The following ZNF541 variants were observed in gnomAD, a reference collection of about 807,000 sequenced individuals.
ZNF541 encodes zinc finger protein 541.
A neutral mutation model predicts 123.5 loss-of-function variants in ZNF541; 23 were observed. The observed-to-expected ratio is 0.19, with a 90% CI of 0.13 to 0.26. ZNF541 has a LOEUF of 0.26. Ranked by LOEUF, ZNF541 falls within the 10% of genes least tolerant of loss-of-function variation. The pLI, the probability that ZNF541 is intolerant of heterozygous loss-of-function variation, is 1.00. For synonymous variants in ZNF541, 751 were observed against 754.5 expected (o/e 1.00, Z 0.08); for missense variants, 1,612 against 1,789.9 (o/e 0.90, Z 1.79).
chr19:47,563,332 T>A (rs911033998), intron 2 of ZNF541, among the ~76,000 whole-genome samples: 2 of 152,212 alleles, frequency 1.3e-5, no homozygotes, highest in Admixed American at 1.3e-4. Flanking sequence ...CATCATTGCC[T>A]ATGACCACTC....
chr19:47,541,345 A>G (rs1176940678), intron 5 of ZNF541, among the ~76,000 whole-genome samples: 1 of 152,142 alleles, frequency 6.6e-6, no homozygotes, highest in Admixed American at 6.6e-5. Flanking sequence ...TTGAGCCAGG[A>G]GTTCAAGGTT....
At chr19:47,550,337 A>G (rs1031515891) in intron 3 of ZNF541, among the ~76,000 whole-genome samples, 1 of 149,308 alleles carries the variant, frequency 6.7e-6, no homozygotes, top group African/African-American at 2.4e-5. Flanking sequence ...GAGAGAGAGA[A>G]AGAGAAAGAA....
intron 12 of ZNF541, 110 bp downstream of exon 12, chr19:47,531,532 G>T: frequency 1.3e-6 from 1 of 774,514 alleles, no homozygotes. Context: ...AGGATGGGCG[G>T]CCTTCTTCCA....
At chr19:47,555,991 G>A (rs951841788) in intron 2 of ZNF541, 37 bp from the exon 3 acceptor site, 30 of 935,656 alleles carry the variant, frequency 3.2e-5, no homozygotes, top group Non-Finnish European at 4.6e-5. Context: ...GTTATTAGGT[G>A]GCAAAACAGC....
chr19:47,554,373 A>G (rs913268572), intron 3 of ZNF541, among the ~76,000 whole-genome samples: 38 of 152,018 alleles, frequency 2.5e-4, no homozygotes, highest in African/African-American at 9.2e-4. Context: ...AGAGGTTGCA[A>G]TGAGCCGAGA....
rs571781574 is a variant in ZNF541, at chr19:47,523,176, GCAC to G, written c.3571-1185_3571-1183del. The stretch of plus-strand genomic sequence containing the variant: ...CCCGAGTAGCTGGGACTATAGGCGC[GCAC>G]CACCATGCCCAGCTATTTTTTTGTG... On this transcript the variant is annotated intron_variant, in intron 14 of 16. Transcript: ENST00000391901. 1.3e-4 allele frequency among the ~76,000 whole-genome samples: 19 copies of G among 148,882 alleles called. No individual in the cohort carries two copies. In the East Asian group the frequency reaches 3.7e-3, roughly 29 times the overall value.
intron 2 of ZNF541, among the ~76,000 whole-genome samples, chr19:47,561,429 C>A (rs1971058364): frequency 6.6e-6 from 1 of 151,704 alleles, no homozygotes; most frequent in African/African-American, 2.4e-5. Context: ...CAAAGTGATA[C>A]CCTGTCTCAA....
At chr19:47,554,047 C>G (rs1454789765) in intron 3 of ZNF541, among the ~76,000 whole-genome samples, 1 of 152,122 alleles carries the variant, frequency 6.6e-6, no homozygotes, top group African/African-American at 2.4e-5. Flanking sequence ...AATATGAAAG[C>G]AAATACACCA....
intron 14 of ZNF541, among the ~76,000 whole-genome samples, chr19:47,526,809 A>C (rs942708785): frequency 4.6e-5 from 7 of 152,192 alleles, no homozygotes; most frequent in African/African-American, 1.7e-4. Context: ...ACACCTACTA[A>C]GTCATTCCAT....
intron 5 of ZNF541, among the ~76,000 whole-genome samples, chr19:47,541,249 C>A (rs1201386432): frequency 6.6e-6 from 1 of 152,004 alleles, no homozygotes; most frequent in Admixed American, 6.6e-5. Context: ...AAAACCCCAT[C>A]TCTACAAAAA....
chr19:47,567,187 T>C (rs145602369), intron 2 of ZNF541, among the ~76,000 whole-genome samples: 515 of 152,280 alleles, frequency 3.4e-3, no homozygotes, highest in Non-Finnish European at 5.9e-3. Context: ...TTTAGCCACA[T>C]ACACAGAAAT....
Position 47,540,253 on chromosome 19 carries a change from T to C in ZNF541, c.2545A>G (p.Thr849Ala), listed in dbSNP as rs1296692120. 6.4e-7 allele frequency: 1 copy of C among 1,551,834 alleles called. No individual in the cohort carries two copies. The highest frequency in any genetic ancestry group is 1.2e-5 in the South Asian group (1 of 84,064). The change falls in exon 7 of 17, where the codon ACG becomes GCG. Residue 849 changes from threonine to alanine, a missense_variant. Transcript: ENST00000391901. ...ATGTGGCTGCTCAGCCCTTTCTCCG[T>C]ATAAAACATCTGGCTGCAGTTCTTG... ...VCKNCSQMFY[T>A]EKGLSSHMCF...
intron 2 of ZNF541, among the ~76,000 whole-genome samples, chr19:47,558,430 T>C (rs1163867508): frequency 6.6e-6 from 1 of 150,920 alleles, no homozygotes; most frequent in Non-Finnish European, 1.5e-5. Flanking sequence ...AATAAATAAA[T>C]AAATAAATAG....
chr19:47,572,807 G>A (rs1272134402), intron 1 of ZNF541, among the ~76,000 whole-genome samples: 1 of 151,920 alleles, frequency 6.6e-6, no homozygotes, highest in Non-Finnish European at 1.5e-5. Flanking sequence ...AGCGGGCCAG[G>A]GGATCCTGAG....
intron 4 of ZNF541, 79 bp from the exon 5 acceptor site, chr19:47,546,059 A>T: frequency 7.7e-7 from 1 of 1,299,582 alleles, no homozygotes; most frequent in Non-Finnish European, 1.0e-6. Flanking sequence ...GTGGCCCCCA[A>T]AAGTCTGTGG....
intron 3 of ZNF541, 95 bp downstream of exon 3, chr19:47,555,455 A>T: frequency 2.3e-6 from 3 of 1,320,250 alleles, no homozygotes; most frequent in African/African-American, 1.5e-5. Context: ...GGAGGGAAAA[A>T]TTTTCTTAAC....
chr19:47,554,228 C>T (rs539540768), intron 3 of ZNF541, among the ~76,000 whole-genome samples: 2 of 152,210 alleles, frequency 1.3e-5, no homozygotes, highest in African/African-American at 4.8e-5. Context: ...GAGCTCAGTT[C>T]GAGACCAGAC....
At chr19:47,559,902 C>T (rs1970992386) in intron 2 of ZNF541, among the ~76,000 whole-genome samples, 1 of 150,702 alleles carries the variant, frequency 6.6e-6, no homozygotes, top group Non-Finnish European at 1.5e-5. Context: ...AACTTTGTGG[C>T]ATATTTAACT....
intron 9 of ZNF541, among the ~76,000 whole-genome samples, chr19:47,534,742 T>C (rs537479595): frequency 5.3e-5 from 8 of 152,142 alleles, no homozygotes; most frequent in South Asian, 4.2e-4. Context: ...AGGATAAGTA[T>C]ACAGATCAAT....
Sources: allele counts gnomAD v4.1 joint callset (sites outside exome capture counted in the v4.1 genomes callset), GRCh38; gene constraint gnomAD v4.1.1; transcripts MANE v1.5; gene names NCBI Gene and HGNC (gene_info 2026-07-23, HGNC 2026-07-21).